DPP10: variants seen among roughly 807,000 people sequenced by gnomAD.
The protein encoded by DPP10 is dipeptidyl peptidase like 10.
DPP10 carries 33 observed loss-of-function variants against 120.9 expected under a neutral mutation model. That is an observed-to-expected ratio of 0.27 (90% CI 0.21 to 0.37). The LOEUF is 0.37. Ranked by LOEUF, DPP10 falls within the 10% of genes least tolerant of loss-of-function variation. The pLI is 1.00. For synonymous variants in DPP10, 337 were observed against 326.1 expected (o/e 1.03, Z -0.36); for missense variants, 816 against 942.8 (o/e 0.87, Z 1.76).
chr2:114,816,100 G>A (rs1158142567), intron 1 of DPP10, among the ~76,000 whole-genome samples: 1 of 152,136 alleles, frequency 6.6e-6, no homozygotes, highest in African/African-American at 2.4e-5. Flanking sequence ...GCTTATTACA[G>A]TCTTGACCAT....
intron 1 of DPP10, among the ~76,000 whole-genome samples, chr2:114,485,872 G>A (rs984909152): frequency 6.6e-6 from 1 of 152,116 alleles, no homozygotes; most frequent in African/African-American, 2.4e-5. Flanking sequence ...CCTAGGATTA[G>A]AGATGGGAAA....
At chr2:115,130,965 TTTC>T (rs1314846911) in intron 1 of DPP10, 1 of 152,194 alleles carries the variant, frequency 6.6e-6, no homozygotes, top group Non-Finnish European at 1.5e-5. Flanking sequence ...CCTAGTAGGT[TTTC>T]TTTCTCCTTA....
intron 1 of DPP10, among the ~76,000 whole-genome samples, chr2:114,638,291 G>T (rs189879455): frequency 6.6e-6 from 1 of 151,586 alleles, no homozygotes. Context: ...AACATTATTC[G>T]TCTAAAGAAA....
At chr2:115,841,337 T>C (rs965178643) in intron 25 of DPP10, among the ~76,000 whole-genome samples, 1 of 152,180 alleles carries the variant, frequency 6.6e-6, no homozygotes, top group Non-Finnish European at 1.5e-5. Flanking sequence ...TTTATGTCTG[T>C]GCATTCATAC....
chr2:115,291,064 T>G (rs1325027999), intron 1 of DPP10, among the ~76,000 whole-genome samples: 1 of 152,042 alleles, frequency 6.6e-6, no homozygotes, highest in Non-Finnish European at 1.5e-5. Flanking sequence ...AGTGCAATAG[T>G]GTGATCACAG....
intron 1 of DPP10, among the ~76,000 whole-genome samples, chr2:114,651,648 T>C (rs974135403): frequency 6.7e-6 from 1 of 150,068 alleles, no homozygotes; most frequent in Admixed American, 6.7e-5. Context: ...TTAATTAAGA[T>C]TTTTTTTTTA....
chr2:115,162,434 C>T (rs1350056281), intron 1 of DPP10, among the ~76,000 whole-genome samples: 1 of 152,184 alleles, frequency 6.6e-6, no homozygotes, highest in Non-Finnish European at 1.5e-5. Context: ...GCCCCGTCCT[C>T]CTATAGCCGG....
At chr2:114,981,213 G>T (rs1198524914) in intron 1 of DPP10, among the ~76,000 whole-genome samples, 1 of 152,080 alleles carries the variant, frequency 6.6e-6, no homozygotes, top group Admixed American at 6.5e-5. Flanking sequence ...TACGATGTCT[G>T]TGCAAAGGGC....
At chr2:115,796,115 G>A (rs1366022537) in intron 19 of DPP10, among the ~76,000 whole-genome samples, 1 of 151,848 alleles carries the variant, frequency 6.6e-6, no homozygotes, top group Non-Finnish European at 1.5e-5. Flanking sequence ...TCTCACATCA[G>A]CCACCCCCAA....
At chr2:115,696,249 G>A (rs2091582846) in intron 7 of DPP10, among the ~76,000 whole-genome samples, 1 of 151,870 alleles carries the variant, frequency 6.6e-6, no homozygotes, top group Non-Finnish European at 1.5e-5. Flanking sequence ...AAATAACCAA[G>A]AGCTCAAAAA....
intron 1 of DPP10, among the ~76,000 whole-genome samples, chr2:114,761,743 G>A (rs565636509): frequency 6.6e-6 from 1 of 152,258 alleles, no homozygotes; most frequent in East Asian, 1.9e-4. Flanking sequence ...CAAATCTGTG[G>A]AAGTATGGAA....
intron 1 of DPP10, among the ~76,000 whole-genome samples, chr2:114,768,778 C>T (rs1394569172): frequency 6.6e-6 from 1 of 152,094 alleles, no homozygotes; most frequent in Non-Finnish European, 1.5e-5. Context: ...CAGGATCTGT[C>T]TTAAAGGACT....
chr2:114,707,692 T>C (rs1700770868), intron 1 of DPP10, among the ~76,000 whole-genome samples: 1 of 152,086 alleles, frequency 6.6e-6, no homozygotes, highest in African/African-American at 2.4e-5. Context: ...GCAAGGTAGG[T>C]CAGAAATTAG....
chr2:115,438,639 GAC>G (rs2071728757), intron 3 of DPP10, among the ~76,000 whole-genome samples: 2 of 152,202 alleles, frequency 1.3e-5, no homozygotes, highest in African/African-American at 4.8e-5. Context: ...AAATAAAGCA[GAC>G]ACAAATGGAC....
chr2:114,442,812 A>C lies in DPP10; in HGVS notation c.34A>C (p.Lys12Gln). 6.2e-7 allele frequency: 1 copy of C among 1,613,412 alleles called. No homozygotes were observed. Among genetic ancestry groups the C allele is most frequent in the Non-Finnish European group, 8.5e-7 (1 of 1,179,540 alleles). Residue 12 changes from lysine (K) to glutamine (Q), a missense_variant, in exon 1 of 26, where the codon AAG becomes CAG. Lys to Gln is a moderately conservative substitution (Grantham distance 53, BLOSUM62 1). Coordinates refer to ENST00000410059, the MANE Select transcript of DPP10 (RefSeq NM_020868.6). ...AACTGCCAGCGTGTCCCATCACATCAAGTGTCAACCCTCAAAAACAATCAA... is the reference window on the plus strand; with the variant it reads ...AACTGCCAGCGTGTCCCATCACATCCAGTGTCAACCCTCAAAAACAATCAA... The part of the protein sequence containing the change: ...NQTASVSHHI[K>Q]CQPSKTIKEL...
In DPP10 at chr2:114,960,366, G is replaced by GTATATATATATA. The variant is rs149462158; in HGVS notation, c.61-348864_61-348853dup. ...CTCTGGTTGTACAGAGTGTATGTGC[G>GTATATATATATA]TATATATATATATATATATACTTTT... On this transcript the variant is annotated intron_variant, in intron 1 of 25. Transcript: ENST00000410059. Among the ~76,000 whole-genome samples the GTATATATATATA allele has an allele frequency of 5.4e-3, 782 of 143,794 alleles. 7 individuals are homozygous for GTATATATATATA. Among genetic ancestry groups the GTATATATATATA allele is most frequent in the South Asian group, 0.023 (101 of 4,476 alleles). 94.3% of individuals were successfully genotyped at this position (143,794 alleles called of 152,430 possible). A position where few individuals can be genotyped will look rare whatever the true frequency, so the allele number is the denominator to read the frequency against.
At chr2:115,159,852 A>G (rs1014056527) in intron 1 of DPP10, among the ~76,000 whole-genome samples, 3 of 152,304 alleles carry the variant, frequency 2.0e-5, no homozygotes, top group Non-Finnish European at 4.4e-5. Context: ...GAACTCAATC[A>G]AATAAGTAAT....
At chr2:115,789,190 AC>A (rs1479832462) in intron 17 of DPP10, among the ~76,000 whole-genome samples, 3 of 152,146 alleles carry the variant, frequency 2.0e-5, no homozygotes, top group Non-Finnish European at 4.4e-5. Context: ...TATTAAGAGG[AC>A]AAAAAAAAGA....
chr2:114,765,780 A>G (rs80186064), intron 1 of DPP10, among the ~76,000 whole-genome samples: 4,831 of 152,290 alleles, frequency 0.032, 274 homozygotes, highest in African/African-American at 0.11. Context: ...TGGGAACTTC[A>G]TTGAAAATAT....
Sources: gnomAD v4.1 joint callset for allele counts (sites outside exome capture counted in the v4.1 genomes callset) on GRCh38, gnomAD v4.1.1 for gene constraint, MANE v1.5 for transcripts, NCBI Gene and HGNC (gene_info 2026-07-23, HGNC 2026-07-21) for gene names.